The following CLYBL variants were observed in gnomAD, a reference collection of about 807,000 sequenced individuals.
CLYBL encodes the protein citramalyl-CoA lyase.
Under a neutral mutation model 38.9 loss-of-function variants are expected in CLYBL, and 31 were observed. That is an observed-to-expected ratio of 0.80 (90% CI 0.60 to 1.08). CLYBL has a LOEUF of 1.08. Among genes scored for constraint, CLYBL ranks in the 50% least tolerant of loss-of-function variants. The pLI, the probability that CLYBL is intolerant of heterozygous loss-of-function variation, is 0.00. For missense variants in CLYBL, 434 were observed against 411.6 expected (o/e 1.05, Z -0.47); for synonymous variants, 171 against 158.6 (o/e 1.08, Z -0.59).
intron 8 of CLYBL, among the ~76,000 whole-genome samples, chr13:99,903,338 C>G (rs1015778075): frequency 6.6e-6 from 1 of 152,160 alleles, no homozygotes; most frequent in Non-Finnish European, 1.5e-5. Context: ...ACTCCTCCCC[C>G]ATCCCAGCAG....
chr13:99,907,446 G>GA (rs376686044), intron 9 of CLYBL, among the ~76,000 whole-genome samples: 190 of 147,332 alleles, frequency 1.3e-3, no homozygotes, highest in African/African-American at 2.9e-3. Flanking sequence ...CACAACACTG[G>GA]AAAAAAAAAA....
intron 1 of CLYBL, among the ~76,000 whole-genome samples, chr13:99,747,213 C>G (rs1172169997): frequency 1.5e-4 from 21 of 143,134 alleles, no homozygotes; most frequent in Non-Finnish European, 1.2e-4. Flanking sequence ...TCTCCTCTCC[C>G]CCCCGCCCCA....
At chr13:99,851,031 G>A (rs73559328) in intron 2 of CLYBL, among the ~76,000 whole-genome samples, 1,750 of 152,260 alleles carry the variant, frequency 0.011, 24 homozygotes, top group Middle Eastern at 0.044. Flanking sequence ...GGGAAAATAG[G>A]GAGTTGATGC....
At chr13:99,810,404 TGTG>T (rs1315381835) in intron 2 of CLYBL, among the ~76,000 whole-genome samples, 4 of 151,974 alleles carry the variant, frequency 2.6e-5, no homozygotes, top group African/African-American at 9.7e-5. Flanking sequence ...CTAGACAAAG[TGTG>T]GGGTACAGTG....
intron 2 of CLYBL, among the ~76,000 whole-genome samples, chr13:99,843,052 C>G (rs866900905): frequency 6.6e-6 from 1 of 152,240 alleles, no homozygotes; most frequent in South Asian, 2.1e-4. Flanking sequence ...GAAACTGAGG[C>G]ACAGTGAGGT....
chr13:99,608,817 T>C lies in CLYBL; in HGVS notation c.62+2060T>C, dbSNP rs1003106570. On this transcript the variant is annotated intron_variant, in intron 1 of 8. Coordinates refer to ENST00000339105, the MANE Select transcript of CLYBL (RefSeq NM_206808.5). ...ATTCTAATGAGAATTCAGACGTTAA[T>C]GTTATTAGGGTTCTATGTAAGTGAT... Among the ~76,000 whole-genome samples the C allele has an allele frequency of 2.7e-5, 4 of 150,518 alleles. No homozygotes were observed. The East Asian group carries it at 5.9e-4, about 22-fold the overall frequency.
At chr13:99,796,426 A>C (rs1036853819) in intron 2 of CLYBL, among the ~76,000 whole-genome samples, 4 of 152,182 alleles carry the variant, frequency 2.6e-5, no homozygotes, top group African/African-American at 9.7e-5. Flanking sequence ...ATGATCTGAG[A>C]TTGATTCCAG....
chr13:99,709,174 T>C lies in CLYBL; in HGVS notation c.63-63650T>C, dbSNP rs371371504. 1.8e-4 allele frequency among the ~76,000 whole-genome samples: 27 copies of C among 151,842 alleles called. No individual in the cohort carries two copies. The East Asian group carries it at 1.9e-3, about 11-fold the overall frequency. Reference sequence around the variant, plus strand: ...GCTGTCCTTAAAAAAAGAGAAAATTTGGGCACAGAGATAGACATGCATAGA... The same window carrying C: ...GCTGTCCTTAAAAAAAGAGAAAATTCGGGCACAGAGATAGACATGCATAGA... On this transcript the variant is annotated intron_variant, in intron 1 of 8. Coordinates refer to ENST00000339105, the MANE Select transcript of CLYBL (RefSeq NM_206808.5).
chr13:99,768,797 G>A (rs1566319038), intron 1 of CLYBL, among the ~76,000 whole-genome samples: 1 of 152,128 alleles, frequency 6.6e-6, no homozygotes, highest in Non-Finnish European at 1.5e-5. Flanking sequence ...ACAGGTGTGA[G>A]CTAGCACTCC....
chr13:99,902,093 C>G (rs1469192927), downstream of CLYBL, among the ~76,000 whole-genome samples: 4 of 152,170 alleles, frequency 2.6e-5, no homozygotes, highest in Non-Finnish European at 5.9e-5. Flanking sequence ...AACTTCACAT[C>G]AAGTTTACAT....
intron 8 of CLYBL, among the ~76,000 whole-genome samples, chr13:99,904,057 C>A (rs9585266): frequency 1.0e-3 from 150 of 143,480 alleles, no homozygotes; most frequent in South Asian, 6.9e-3. Context: ...AAAAAAAAAA[C>A]AAAAACAAAA....
At chr13:99,673,747 T>A (rs767873807) in intron 1 of CLYBL, among the ~76,000 whole-genome samples, 5 of 152,170 alleles carry the variant, frequency 3.3e-5, no homozygotes, top group Non-Finnish European at 7.3e-5. Flanking sequence ...TTGCAGAGTT[T>A]TTAAACAGAT....
chr13:99,688,924 G>T (rs1341399), intron 1 of CLYBL, among the ~76,000 whole-genome samples: 4 of 152,080 alleles, frequency 2.6e-5, no homozygotes, highest in South Asian at 2.1e-4. Context: ...ACTCAGCACC[G>T]TCATTCATCC....
At chr13:99,878,222 A>C (rs1243263631) in intron 7 of CLYBL, among the ~76,000 whole-genome samples, 1 of 152,242 alleles carries the variant, frequency 6.6e-6, no homozygotes, top group Non-Finnish European at 1.5e-5. Flanking sequence ...TGTTTCCATC[A>C]ATTATTTCAT....
At chr13:99,740,288 A>G (rs367777951) in intron 1 of CLYBL, among the ~76,000 whole-genome samples, 36 of 152,362 alleles carry the variant, frequency 2.4e-4, no homozygotes, top group African/African-American at 6.7e-4. Context: ...TGAGAGCTCA[A>G]TGGTAAATAC....
At chr13:99,840,232 A>G (rs1471993459) in intron 2 of CLYBL, among the ~76,000 whole-genome samples, 1 of 121,368 alleles carries the variant, frequency 8.2e-6, no homozygotes, top group Non-Finnish European at 1.7e-5. Flanking sequence ...TCTCCTCCTG[A>G]GCCCTTACTC....
intron 1 of CLYBL, among the ~76,000 whole-genome samples, chr13:99,651,369 A>C (rs2047250558): frequency 6.6e-6 from 1 of 151,904 alleles, no homozygotes; most frequent in Non-Finnish European, 1.5e-5. Flanking sequence ...CAGGAGTTCT[A>C]GACTAGACTG....
At chr13:99,814,767 A>C (rs1402804635) in intron 2 of CLYBL, among the ~76,000 whole-genome samples, 1 of 151,512 alleles carries the variant, frequency 6.6e-6, no homozygotes, top group Non-Finnish European at 1.5e-5. Context: ...GTGGTGGCTA[A>C]AGCCTATAAT....
chr13:99,737,121 A>G lies in CLYBL; in HGVS notation c.63-35703A>G, dbSNP rs913792686. On this transcript the variant is annotated intron_variant, in intron 1 of 8. Transcript: ENST00000339105. The stretch of plus-strand genomic sequence containing the variant: ...TTGTCTGAGGGTTAAGTTCTGAAGA[A>G]TATGGGGGGCATCAGAGAGTTGATA... Among the ~76,000 whole-genome samples the G allele has an allele frequency of 5.5e-5, 8 of 146,100 alleles. No homozygotes were observed. The East Asian group carries it at 1.5e-3, about 28-fold the overall frequency.
Sources: allele counts gnomAD v4.1 joint callset (sites outside exome capture counted in the v4.1 genomes callset), GRCh38; gene constraint gnomAD v4.1.1; transcripts MANE v1.5; gene names NCBI Gene and HGNC (gene_info 2026-07-23, HGNC 2026-07-21).